UNC80: variants seen among roughly 807,000 people sequenced by gnomAD.
UNC80 encodes unc-80 subunit of NALCN channel complex.
In UNC80, 164 loss-of-function variants were observed where a neutral mutation model predicts 384.6. The ratio of observed to expected loss-of-function variants is 0.43; its 90% CI spans 0.38 to 0.49. The LOEUF (loss-of-function observed/expected upper bound fraction) is 0.49. Among genes scored for constraint, UNC80 ranks in the 20% least tolerant of loss-of-function variants. The pLI, the probability that UNC80 is intolerant of heterozygous loss-of-function variation, is 0.00. For missense variants in UNC80, 3,330 were observed against 4,143.0 expected (o/e 0.80, Z 5.39); for synonymous variants, 1,486 against 1,527.8 (o/e 0.97, Z 0.64).
intron 53 of UNC80, chr2:209,970,190 G>A (rs2092843502): frequency 8.5e-6 from 3 of 352,024 alleles, no homozygotes; most frequent in Non-Finnish European, 1.5e-5. Context: ...TGGGGTGGCG[G>A]AGCCTGCACA....
chr2:209,812,755 G>A (rs1236716039), intron 7 of UNC80, among the ~76,000 whole-genome samples: 1 of 152,134 alleles, frequency 6.6e-6, no homozygotes, highest in Non-Finnish European at 1.5e-5. Flanking sequence ...CTTTAAATCT[G>A]AATTTTGTGG....
intron 48 of UNC80, among the ~76,000 whole-genome samples, chr2:209,954,820 G>A (rs926147299): frequency 6.6e-6 from 1 of 152,130 alleles, no homozygotes; most frequent in Admixed American, 6.5e-5. Flanking sequence ...ATTAAATAAT[G>A]CGGAGAGAGG....
In UNC80 at chr2:209,887,894, A is replaced by G. The variant is rs144293410; in HGVS notation, c.4111-201A>G. Among the ~76,000 whole-genome samples, 286 of 152,346 alleles carry G rather than the reference A, an allele frequency of 1.9e-3. 4 individuals carry two copies. The highest frequency in any genetic ancestry group is 5.8e-4 in the East Asian group (3 of 5,186). On this transcript the variant is annotated intron_variant, in intron 25 of 64. Transcript: ENST00000673920. Reference sequence around the variant, plus strand: ...AGCATGTGAGGAAAAGGGGAAAAATACTATGAATTAGGAAAGATTTTATTT... The same window carrying G: ...AGCATGTGAGGAAAAGGGGAAAAATGCTATGAATTAGGAAAGATTTTATTT...
intron 61 of UNC80, 125 bp downstream of exon 61, chr2:209,985,037 G>T: frequency 1.3e-6 from 1 of 794,448 alleles, no homozygotes; most frequent in Non-Finnish European, 1.9e-6. Context: ...TCCATTCCTT[G>T]CCCTTTGTTG....
chr2:209,921,429 G>A, intron 33 of UNC80, 71 bp from the exon 34 acceptor site: 1 of 1,390,682 alleles, frequency 7.2e-7, no homozygotes, highest in Non-Finnish European at 9.6e-7. Flanking sequence ...GTCATTCATT[G>A]GAACACTCTT....
chr2:209,870,957 G>C (rs2084242843), intron 22 of UNC80, among the ~76,000 whole-genome samples: 1 of 152,154 alleles, frequency 6.6e-6, no homozygotes, highest in African/African-American at 2.4e-5. Flanking sequence ...GGCAGAAGAT[G>C]TCATATTTGG....
chr2:209,809,252 G>A, intron 7 of UNC80: 1 of 722,920 alleles, frequency 1.4e-6, no homozygotes, highest in Non-Finnish European at 2.6e-6. Flanking sequence ...GCCTTCAACT[G>A]CCAATACTGC....
Position 209,822,622 on chromosome 2 carries a change from T to C in UNC80, c.2331+1943T>C, listed in dbSNP as rs553688556. ...ATCAGCAAAGCTTAGATGTTCCAAC[T>C]AAACTGATAGGTTTTGTATGTATGC... On this transcript the variant is annotated intron_variant, in intron 13 of 64. Transcript: ENST00000673920. 3.9e-5 allele frequency among the ~76,000 whole-genome samples: 6 copies of C among 152,342 alleles called. No homozygotes were observed. The South Asian group carries it at 1.0e-3, about 26-fold the overall frequency.
intron 2 of UNC80, among the ~76,000 whole-genome samples, chr2:209,774,535 A>G (rs1184452763): frequency 2.0e-5 from 3 of 152,198 alleles, no homozygotes; most frequent in Non-Finnish European, 4.4e-5. Context: ...AAAATTATTA[A>G]AAGTTGTATT....
intron 25 of UNC80, among the ~76,000 whole-genome samples, chr2:209,884,009 G>T (rs776558134): frequency 2.0e-5 from 3 of 152,048 alleles, no homozygotes; most frequent in East Asian, 3.9e-4. Context: ...TAATTAGTGT[G>T]CTTCCCCCCC....
Position 209,954,076 on chromosome 2 carries a change from C to A in UNC80, c.7287-24C>A, listed in dbSNP as rs571047778. The A allele has an allele frequency of 1.1e-5, 17 of 1,537,064 alleles. No homozygotes were observed. In the African/African-American group the frequency reaches 2.3e-4, roughly 21 times the overall value. ...CAAAAGTAGAATGTAAAAGGTGACT[C>A]GGTTTTCTTTCTGTCGCTTAAAGTC... On this transcript the variant is annotated intron_variant, in intron 47 of 64. Coordinates refer to ENST00000673920, the MANE Select transcript of UNC80 (RefSeq NM_001371986.1).
intron 26 of UNC80, among the ~76,000 whole-genome samples, chr2:209,888,613 TTTTA>T (rs2086046676): frequency 6.6e-6 from 1 of 152,024 alleles, no homozygotes; most frequent in Non-Finnish European, 1.5e-5. Context: ...TTTGTTGCTT[TTTTA>T]TTTGTTTGCT....
intron 51 of UNC80, among the ~76,000 whole-genome samples, chr2:209,963,819 A>G (rs1233047241): frequency 6.6e-6 from 1 of 152,218 alleles, no homozygotes; most frequent in African/African-American, 2.4e-5. Flanking sequence ...CTTGATAATG[A>G]AGGGTCATGA....
At chr2:209,892,621 G>T (rs1181526941) in intron 26 of UNC80, among the ~76,000 whole-genome samples, 1 of 152,050 alleles carries the variant, frequency 6.6e-6, no homozygotes, top group Non-Finnish European at 1.5e-5. Flanking sequence ...ATAAAATTGG[G>T]CAAAGAATAT....
chr2:209,887,067 C>T (rs2124905725), intron 25 of UNC80, among the ~76,000 whole-genome samples: 1 of 151,890 alleles, frequency 6.6e-6, no homozygotes, highest in Admixed American at 6.6e-5. Context: ...ACAGAGTTTC[C>T]CTCTTGTTGC....
At position 209,819,066 on chromosome 2, in the gene UNC80, A is replaced by C; in HGVS notation, c.1767A>C (p.Ala589=). The C allele has an allele frequency of 1.3e-6, 2 of 1,551,994 alleles. No individual in the cohort carries two copies. The highest frequency in any genetic ancestry group is 1.7e-6 in the Non-Finnish European group (2 of 1,147,068). ...TTLASFNVGY[A]DFFNEHMRKL... is the part of the protein sequence containing the mutation. ...TGGCGTCATTCAACGTAGGCTATGC[A>C]GACTTTTTCAATGAGCATATGAGGA... Residue 589 remains alanine, a synonymous_variant, in exon 12 of 65, where the codon GCA becomes GCC. Transcript: ENST00000673920.
chr2:209,772,044 C>T lies in UNC80; in HGVS notation c.-29C>T. On this transcript the variant is annotated 5_prime_UTR_variant, in exon 1 of 65. Coordinates refer to ENST00000673920, the MANE Select transcript of UNC80 (RefSeq NM_001371986.1). ...GCTAGCGAGGAGACAGAGCTGGGTCCTGCAGTAGGACTCCCGGGAGCCACC... is the reference window on the plus strand; with the variant it reads ...GCTAGCGAGGAGACAGAGCTGGGTCTTGCAGTAGGACTCCCGGGAGCCACC... The T allele has an allele frequency of 6.6e-7, 1 of 1,515,854 alleles. No individual in the cohort carries two copies. The highest frequency in any genetic ancestry group is 1.4e-5 in the African/African-American group (1 of 72,304). 93.9% of individuals were successfully genotyped at this position (1,515,854 alleles called of 1,614,324 possible).
intron 29 of UNC80, among the ~76,000 whole-genome samples, chr2:209,908,696 C>T (rs912588983): frequency 8.5e-5 from 13 of 152,178 alleles, no homozygotes; most frequent in African/African-American, 2.9e-4. Flanking sequence ...AAGAGGTCAA[C>T]TGACTTCCTG....
At chr2:209,979,482 G>T (rs1342795566) in intron 59 of UNC80, among the ~76,000 whole-genome samples, 1 of 152,124 alleles carries the variant, frequency 6.6e-6, no homozygotes, top group Middle Eastern at 3.2e-3. Context: ...GGCTCTACCA[G>T]CCGGTATGTA....
Sources: gnomAD v4.1 joint callset for allele counts (sites outside exome capture counted in the v4.1 genomes callset) on GRCh38, gnomAD v4.1.1 for gene constraint, MANE v1.5 for transcripts, NCBI Gene and HGNC (gene_info 2026-07-23, HGNC 2026-07-21) for gene names.